Variants in RABGAP1L observed in about 807,000 individuals in gnomAD.
RABGAP1L encodes RAB GTPase activating protein 1 like, also known as rab GTPase-activating protein 1-like.
A neutral mutation model predicts 137.7 loss-of-function variants in RABGAP1L; 63 were observed. The observed-to-expected ratio is 0.46, with a 90% confidence interval of 0.37 to 0.56. The LOEUF is 0.56. RABGAP1L is among the 20% of genes least tolerant of loss of function. RABGAP1L has a pLI of 0.00. For missense variants in RABGAP1L, 1,095 were observed against 1,244.0 expected (o/e 0.88, Z 1.80); for synonymous variants, 431 against 433.7 (o/e 0.99, Z 0.08).
intron 19 of RABGAP1L, among the ~76,000 whole-genome samples, chr1:174,882,015 C>T (rs1471735635): frequency 6.6e-6 from 1 of 152,104 alleles, no homozygotes; most frequent in Non-Finnish European, 1.5e-5. Context: ...GCATGCGCCA[C>T]CATGCCTGGC....
intron 11 of RABGAP1L, chr1:174,367,667 G>A (rs1684768539): frequency 1.2e-5 from 3 of 240,476 alleles, no homozygotes; most frequent in Non-Finnish European, 2.4e-5. Context: ...ATAGTGTTCT[G>A]TATTCTTGTC....
chr1:174,551,039 T>C (rs189889367), intron 13 of RABGAP1L, among the ~76,000 whole-genome samples: 2,050 of 133,498 alleles, frequency 0.015, 29 homozygotes, highest in Admixed American at 0.023. Flanking sequence ...CACACACACA[T>C]ATATATATAC....
chr1:174,909,178 C>CAAA (rs200560738), intron 19 of RABGAP1L, among the ~76,000 whole-genome samples: 1 of 107,316 alleles, frequency 9.3e-6, no homozygotes, highest in Non-Finnish European at 1.9e-5. Context: ...GACTCTATCT[C>CAAA]AAAAAAAAAA....
chr1:174,178,552 A>G (rs1159059807), intron 1 of RABGAP1L, among the ~76,000 whole-genome samples: 1 of 152,214 alleles, frequency 6.6e-6, no homozygotes, highest in Non-Finnish European at 1.5e-5. Context: ...TTGCAGCACT[A>G]TTTACAATAG....
intron 1 of RABGAP1L, among the ~76,000 whole-genome samples, chr1:174,214,019 G>T (rs1669099679): frequency 6.6e-6 from 1 of 152,106 alleles, no homozygotes; most frequent in African/African-American, 2.4e-5. Flanking sequence ...AAGCAATAAA[G>T]GGCATACAAA....
intron 19 of RABGAP1L, chr1:174,850,198 C>T (rs12096717): frequency 0.011 from 3,921 of 371,744 alleles, 152 homozygotes; most frequent in African/African-American, 0.071. Flanking sequence ...CTCAGGTTTA[C>T]GCCACACGTG....
At chr1:174,947,775 C>G (rs990377498) in intron 19 of RABGAP1L, among the ~76,000 whole-genome samples, 1 of 152,172 alleles carries the variant, frequency 6.6e-6, no homozygotes, top group African/African-American at 2.4e-5. Context: ...AACTGCTGTT[C>G]AAATAATTGT....
At chr1:174,639,001 CA>C (rs1674303069) in intron 14 of RABGAP1L, among the ~76,000 whole-genome samples, 1 of 145,602 alleles carries the variant, frequency 6.9e-6, no homozygotes, top group Admixed American at 6.9e-5. Flanking sequence ...CTAACCTGCA[CA>C]ATGTGCACAT....
intron 13 of RABGAP1L, among the ~76,000 whole-genome samples, chr1:174,418,196 C>T (rs1312618470): frequency 6.6e-6 from 1 of 152,230 alleles, no homozygotes; most frequent in East Asian, 1.9e-4. Flanking sequence ...CTGTACATCA[C>T]TCCAAAATGA....
intron 1 of RABGAP1L, among the ~76,000 whole-genome samples, chr1:174,206,906 T>C (rs1276765423): frequency 7.8e-6 from 1 of 128,992 alleles, no homozygotes; most frequent in Non-Finnish European, 1.6e-5. Context: ...GTAAGAATTA[T>C]AAGCTATTTC....
At chr1:174,670,278 G>GTGTA (rs1277925870) in intron 14 of RABGAP1L, among the ~76,000 whole-genome samples, 1 of 151,598 alleles carries the variant, frequency 6.6e-6, no homozygotes, top group Non-Finnish European at 1.5e-5. Flanking sequence ...TACATAGTGG[G>GTGTA]TGTATATATT....
chr1:174,311,386 C>T lies in RABGAP1L; in HGVS notation c.1465+6259C>T, dbSNP rs573511502. On this transcript the variant is annotated intron_variant, in intron 11 of 25. Coordinates refer to ENST00000681986, the MANE Select transcript of RABGAP1L (RefSeq NM_001366446.1). The stretch of plus-strand genomic sequence containing the variant: ...GTCACCTTCTACTAGGTCTGTCCCT[C>T]AACAACTGGGGACTACAATTCAAGA... Among the ~76,000 whole-genome samples the T allele has an allele frequency of 1.2e-4, 18 of 152,162 alleles. 1 individual carries two copies. Among genetic ancestry groups the T allele is most frequent in the Non-Finnish European group, 2.2e-4 (15 of 68,028 alleles).
At chr1:174,660,038 A>G (rs1572714034) in intron 14 of RABGAP1L, among the ~76,000 whole-genome samples, 2 of 152,332 alleles carry the variant, frequency 1.3e-5, no homozygotes, top group Non-Finnish European at 1.5e-5. Context: ...ACTGGATGGA[A>G]CAACACTGTA....
intron 13 of RABGAP1L, among the ~76,000 whole-genome samples, chr1:174,590,493 C>T (rs1200670894): frequency 2.2e-5 from 2 of 91,566 alleles, no homozygotes; most frequent in African/African-American, 1.1e-4. Context: ...AATGCTATCC[C>T]TCCCCCCTCC....
chr1:174,507,421 CAT>C (rs1314654358), intron 13 of RABGAP1L, among the ~76,000 whole-genome samples: 1 of 152,000 alleles, frequency 6.6e-6, no homozygotes, highest in Non-Finnish European at 1.5e-5. Context: ...GAAAAATAAA[CAT>C]ATGTTAAAAA....
intron 19 of RABGAP1L, among the ~76,000 whole-genome samples, chr1:174,891,784 T>C (rs1310212337): frequency 6.6e-6 from 1 of 152,160 alleles, no homozygotes; most frequent in East Asian, 1.9e-4. Flanking sequence ...GGATTATAGG[T>C]GTGAGCCACC....
chr1:174,632,626 G>A (rs953032358), intron 13 of RABGAP1L, among the ~76,000 whole-genome samples: 10 of 149,096 alleles, frequency 6.7e-5, no homozygotes, highest in South Asian at 2.1e-4. Flanking sequence ...TTCCCTTCTC[G>A]CTTCATTTCA....
intron 13 of RABGAP1L, among the ~76,000 whole-genome samples, chr1:174,453,963 T>C (rs1465364371): frequency 2.6e-5 from 4 of 152,078 alleles, no homozygotes; most frequent in Non-Finnish European, 5.9e-5. Flanking sequence ...AATTAATATT[T>C]GGTTAAAAAG....
At chr1:174,217,488 A>G (rs990011528) in intron 1 of RABGAP1L, among the ~76,000 whole-genome samples, 3 of 152,230 alleles carry the variant, frequency 2.0e-5, no homozygotes, top group African/African-American at 7.2e-5. Context: ...GAAATCAGGT[A>G]GAGGAGCAGC....
Sources: gnomAD v4.1 joint callset for allele counts (sites outside exome capture counted in the v4.1 genomes callset) on GRCh38, gnomAD v4.1.1 for gene constraint, MANE v1.5 for transcripts, NCBI Gene and HGNC (gene_info 2026-07-23, HGNC 2026-07-21) for gene names.